The following MDGA2 variants were observed in gnomAD, a reference collection of about 807,000 sequenced individuals.
MDGA2 encodes the protein MAM domain containing glycosylphosphatidylinositol anchor 2.
In MDGA2, 40 loss-of-function variants were observed where a neutral mutation model predicts 117.8. That is an observed-to-expected ratio of 0.34 (90% CI 0.26 to 0.44). The LOEUF (loss-of-function observed/expected upper bound fraction) is 0.44, where lower values mean the gene tolerates loss of function less well. MDGA2 is among the 20% of genes least tolerant of loss of function. The pLI is 1.00. For missense variants in MDGA2, 1,123 were observed against 1,250.6 expected, an observed-to-expected ratio of 0.90 and a Z score of 1.54; for synonymous variants, 452 against 439.0, an observed-to-expected ratio of 1.03 and a Z score of -0.37.
intron 1 of MDGA2, among the ~76,000 whole-genome samples, chr14:47,527,221 T>C (rs1283304158): frequency 6.6e-6 from 1 of 152,242 alleles, no homozygotes; most frequent in Non-Finnish European, 1.5e-5. Context: ...TTTTGTTTTT[T>C]ACTTCTGACT....
intron 12 of MDGA2, among the ~76,000 whole-genome samples, chr14:46,875,757 G>T (rs553695221): frequency 6.6e-6 from 1 of 151,484 alleles, no homozygotes; most frequent in Non-Finnish European, 1.5e-5. Context: ...GTTTGATTTT[G>T]AATGTTTTCA....
intron 15 of MDGA2, among the ~76,000 whole-genome samples, chr14:46,854,674 T>C (rs1330267478): frequency 6.6e-6 from 1 of 151,836 alleles, no homozygotes; most frequent in African/African-American, 2.4e-5. Flanking sequence ...AGATTGAGAA[T>C]TGATTACCAA....
intron 1 of MDGA2, among the ~76,000 whole-genome samples, chr14:47,503,697 C>T (rs925293041): frequency 6.6e-6 from 1 of 152,166 alleles, no homozygotes; most frequent in Non-Finnish European, 1.5e-5. Context: ...AGCCACTGCG[C>T]CCGGCCTCCT....
chr14:47,525,938 C>T (rs1369962649), intron 1 of MDGA2, among the ~76,000 whole-genome samples: 1 of 151,956 alleles, frequency 6.6e-6, no homozygotes, highest in East Asian at 1.9e-4. Flanking sequence ...CACATGTCAC[C>T]AGTTTTTAAA....
intron 1 of MDGA2, among the ~76,000 whole-genome samples, chr14:47,548,044 C>T (rs2138770486): frequency 6.6e-6 from 1 of 152,270 alleles, no homozygotes; most frequent in South Asian, 2.1e-4. Flanking sequence ...ATTTCTAAAA[C>T]TATACTGTTG....
chr14:47,356,329 G>C (rs987815000), intron 1 of MDGA2, among the ~76,000 whole-genome samples: 2 of 152,258 alleles, frequency 1.3e-5, no homozygotes, highest in East Asian at 1.9e-4. Context: ...CTTTCACTCT[G>C]TTAGGTCCTC....
intron 8 of MDGA2, among the ~76,000 whole-genome samples, chr14:47,028,740 T>C (rs563974165): frequency 6.6e-6 from 1 of 152,252 alleles, no homozygotes; most frequent in South Asian, 2.1e-4. Flanking sequence ...TTATCATGCT[T>C]ATGGGACTGA....
chr14:46,861,008 T>C (rs1429585995), intron 14 of MDGA2, among the ~76,000 whole-genome samples: 2 of 151,898 alleles, frequency 1.3e-5, no homozygotes, highest in Non-Finnish European at 2.9e-5. Flanking sequence ...TTCTTCCTCT[T>C]TATTCATTCT....
chr14:47,321,632 A>G lies in MDGA2; in HGVS notation c.281-20082T>C, dbSNP rs533973197. ...AGTCACAGACTACCCTGTGATACTC[A>G]ACTTACTGCAATTTTATCTGAGCCA... On this transcript the variant is annotated intron_variant, in intron 1 of 16. Transcript: ENST00000399232. Among the ~76,000 whole-genome samples, 32 of 152,294 alleles carry G rather than the reference A, an allele frequency of 2.1e-4. No homozygotes were observed. The South Asian group carries it at 6.2e-3, about 30-fold the overall frequency.
chr14:47,101,153 G>A lies in MDGA2; in HGVS notation c.926-4030C>T, dbSNP rs559226866. ...GATAGATAGAAAGAAATTGGTCCTGGAGAGGCATAGTGATTTCGAATGACA... is the reference window on the plus strand; with the variant it reads ...GATAGATAGAAAGAAATTGGTCCTGAAGAGGCATAGTGATTTCGAATGACA... On this transcript the variant is annotated intron_variant, in intron 5 of 16. Transcript: ENST00000399232. Among the ~76,000 whole-genome samples the A allele has an allele frequency of 1.6e-3, 237 of 151,868 alleles. 7 individuals carry two copies. In the South Asian group the frequency reaches 0.046, roughly 29 times the overall value.
chr14:47,049,250 A>G (rs1889369073), intron 7 of MDGA2, among the ~76,000 whole-genome samples: 1 of 151,984 alleles, frequency 6.6e-6, no homozygotes, highest in South Asian at 2.1e-4. Context: ...TTACCAGCAT[A>G]CAGATACAAT....
intron 3 of MDGA2, among the ~76,000 whole-genome samples, chr14:47,187,954 A>AT (rs1422904413): frequency 1.3e-5 from 2 of 151,684 alleles, no homozygotes; most frequent in African/African-American, 4.8e-5. Context: ...ATTGCTCTAC[A>AT]TTTTTTATGT....
intron 4 of MDGA2, 60 bp downstream of exon 4, chr14:47,144,018 G>T: frequency 1.6e-6 from 2 of 1,256,282 alleles, no homozygotes; most frequent in South Asian, 1.8e-5. Flanking sequence ...AATTCATGCT[G>T]CCTGAATTAG....
intron 1 of MDGA2, among the ~76,000 whole-genome samples, chr14:47,528,351 C>G (rs1326287047): frequency 3.3e-5 from 5 of 152,192 alleles, no homozygotes; most frequent in African/African-American, 1.2e-4. Flanking sequence ...CTGTTCTGCC[C>G]TCTGAGAGCT....
intron 3 of MDGA2, among the ~76,000 whole-genome samples, chr14:47,173,273 C>T (rs1310372147): frequency 4.6e-5 from 7 of 152,150 alleles, no homozygotes; most frequent in Admixed American, 1.3e-4. Context: ...GGCAGGCCAA[C>T]GTTCAGATTC....
rs183243870 is a variant in MDGA2 at position 46,927,491 on chromosome 14, A to G, written c.2090-7331T>C. Among the ~76,000 whole-genome samples the G allele has an allele frequency of 3.0e-3, 454 of 152,314 alleles. 2 individuals carry two copies. The highest frequency in any genetic ancestry group is 5.3e-3 in the Non-Finnish European group (359 of 68,022). On this transcript the variant is annotated intron_variant, in intron 9 of 16. Coordinates refer to ENST00000399232, the MANE Select transcript of MDGA2 (RefSeq NM_001113498.3). The stretch of plus-strand genomic sequence containing the variant: ...TTAAGATGAATGTCATAGCAGCAAT[A>G]AAACTCAATGTCATTAATAGTTTGT...
At chr14:46,936,766 A>G (rs913248152) in intron 9 of MDGA2, among the ~76,000 whole-genome samples, 15 of 152,120 alleles carry the variant, frequency 9.9e-5, no homozygotes, top group Non-Finnish European at 1.6e-4. Context: ...TAAATTAGGT[A>G]TAGAAGGCCC....
intron 1 of MDGA2, among the ~76,000 whole-genome samples, chr14:47,378,675 T>C (rs1379798392): frequency 2.0e-5 from 3 of 151,852 alleles, no homozygotes; most frequent in African/African-American, 4.8e-5. Context: ...GAAAAAAGAC[T>C]AAAAAAAATT....
intron 3 of MDGA2, among the ~76,000 whole-genome samples, chr14:47,190,046 C>G (rs1885052969): frequency 6.6e-6 from 1 of 152,188 alleles, no homozygotes; most frequent in South Asian, 2.1e-4. Context: ...TAGCATCTTA[C>G]AGAAGTGCTC....
Sources: allele counts gnomAD v4.1 joint callset (sites outside exome capture counted in the v4.1 genomes callset), GRCh38; gene constraint gnomAD v4.1.1; transcripts MANE v1.5; gene names NCBI Gene and HGNC (gene_info 2026-07-23, HGNC 2026-07-21).